Variants in ATP2B2 observed in about 807,000 individuals in gnomAD.
The protein encoded by ATP2B2 is ATPase plasma membrane Ca2+ transporting 2, also known as plasma membrane calcium-transporting ATPase 2.
Under a neutral mutation model 120.0 loss-of-function variants are expected in ATP2B2, and 15 were observed. The ratio of observed to expected loss-of-function variants is 0.12; its 90% confidence interval spans 0.08 to 0.19. The LOEUF (loss-of-function observed/expected upper bound fraction) is 0.19, where lower values mean the gene tolerates loss of function less well. Ranked by LOEUF, ATP2B2 falls within the 10% of genes least tolerant of loss-of-function variation. The pLI is 1.00. For missense variants in ATP2B2, 1,045 were observed against 1,719.8 expected (o/e 0.61, Z 6.94); for synonymous variants, 694 against 700.3 (o/e 0.99, Z 0.14).
intron 2 of ATP2B2, among the ~76,000 whole-genome samples, chr3:10,614,048 T>C (rs891685519): frequency 6.6e-6 from 1 of 152,062 alleles, no homozygotes; most frequent in Middle Eastern, 3.2e-3. Context: ...CAAGAAGCCT[T>C]CCCTGAGCAC....
intron 1 of ATP2B2, among the ~76,000 whole-genome samples, chr3:10,661,766 A>C (rs940618990): frequency 6.6e-6 from 1 of 152,238 alleles, no homozygotes; most frequent in African/African-American, 2.4e-5. Context: ...GTTCATGTGG[A>C]ACCAAAAAAG....
At chr3:10,413,768 C>T (rs907435629) in intron 2 of ATP2B2, among the ~76,000 whole-genome samples, 6 of 152,202 alleles carry the variant, frequency 3.9e-5, no homozygotes, top group Non-Finnish European at 5.9e-5. Context: ...TAATTAAAAG[C>T]TCCAATTCCT....
intron 2 of ATP2B2, among the ~76,000 whole-genome samples, chr3:10,580,460 A>C (rs2068362701): frequency 6.6e-6 from 1 of 152,184 alleles, no homozygotes; most frequent in South Asian, 2.1e-4. Context: ...TAAAGGAAGC[A>C]GTGATTCTGT....
At chr3:10,361,535 G>A (rs551878512) in intron 12 of ATP2B2, among the ~76,000 whole-genome samples, 16 of 152,242 alleles carry the variant, frequency 1.1e-4, no homozygotes, top group South Asian at 2.1e-4. Context: ...CCGCAGGGCC[G>A]TGTGAACACC....
chr3:10,459,654 G>C (rs1384365690), intron 1 of ATP2B2, among the ~76,000 whole-genome samples: 1 of 152,210 alleles, frequency 6.6e-6, no homozygotes, highest in East Asian at 1.9e-4. Context: ...CTCTCCCACT[G>C]TCTGCTCCGT....
At chr3:10,330,652 G>A (rs1304274775) in intron 22 of ATP2B2, among the ~76,000 whole-genome samples, 1 of 152,250 alleles carries the variant, frequency 6.6e-6, no homozygotes, top group Non-Finnish European at 1.5e-5. Flanking sequence ...CTGCGGGGAG[G>A]CAGGGGACTG....
intron 1 of ATP2B2, among the ~76,000 whole-genome samples, chr3:10,675,656 C>T (rs1442189541): frequency 2.0e-5 from 3 of 152,126 alleles, no homozygotes; most frequent in Non-Finnish European, 2.9e-5. Context: ...CCAACATTGC[C>T]CTGCTCACAT....
rs150203000 is a variant in ATP2B2 at position 10,378,300 on chromosome 3, C to T, written c.1153G>A (p.Val385Met). The change falls in exon 10 of 23, where the codon GTG (valine) becomes ATG (methionine). Residue 385 changes from valine (V) to methionine (M), a missense_variant. Coordinates refer to ENST00000360273, the MANE Select transcript of ATP2B2 (RefSeq NM_001001331.4). ...KASMHKKEKS[V>M]LQGKLTKLAV... ...AGCTTGGTGAGCTTGCCCTGCAGCA[C>T]GGACTTCTCCTTCTTGTGCATGCTG... is the stretch of plus-strand genomic sequence containing the variant. The T allele has an allele frequency of 2.5e-6, 4 of 1,609,632 alleles. No homozygotes were observed. The highest frequency in any genetic ancestry group is 1.3e-5 in the African/African-American group (1 of 74,946).
At chr3:10,487,065 T>C (rs2065709632) in intron 1 of ATP2B2, among the ~76,000 whole-genome samples, 1 of 152,130 alleles carries the variant, frequency 6.6e-6, no homozygotes, top group Non-Finnish European at 1.5e-5. Context: ...TAATGAGAAC[T>C]CCTCTGTCTT....
chr3:10,688,898 G>A (rs2071589567), intron 1 of ATP2B2, among the ~76,000 whole-genome samples: 1 of 151,904 alleles, frequency 6.6e-6, no homozygotes, highest in African/African-American at 2.4e-5. Flanking sequence ...GCAAAGTGAA[G>A]CAATCACCAG....
At chr3:10,592,233 T>C (rs1189578138) in intron 2 of ATP2B2, among the ~76,000 whole-genome samples, 1 of 152,258 alleles carries the variant, frequency 6.6e-6, no homozygotes, top group Non-Finnish European at 1.5e-5. Flanking sequence ...TTAATAGTAT[T>C]GAGTGAATAC....
intron 2 of ATP2B2, among the ~76,000 whole-genome samples, chr3:10,439,155 G>A (rs1481970852): frequency 6.6e-6 from 1 of 152,254 alleles, no homozygotes; most frequent in Non-Finnish European, 1.5e-5. Flanking sequence ...GAGAGGCCTG[G>A]AGTCTGGCTG....
chr3:10,452,049 C>A (rs905682437), intron 1 of ATP2B2, among the ~76,000 whole-genome samples: 1 of 152,250 alleles, frequency 6.6e-6, no homozygotes, highest in Non-Finnish European at 1.5e-5. Flanking sequence ...GAAAAGCAAA[C>A]AGACACTGTC....
At chr3:10,632,880 G>C (rs1335208535) in intron 1 of ATP2B2, among the ~76,000 whole-genome samples, 1 of 152,224 alleles carries the variant, frequency 6.6e-6, no homozygotes, top group South Asian at 2.1e-4. Context: ...CTGTTCCCCT[G>C]GTGGCTGTCC....
At chr3:10,589,548 T>G (rs2068593745) in intron 2 of ATP2B2, among the ~76,000 whole-genome samples, 1 of 152,184 alleles carries the variant, frequency 6.6e-6, no homozygotes, top group African/African-American at 2.4e-5. Context: ...GGGTCTGCTT[T>G]GGATCAGGCA....
intron 1 of ATP2B2, among the ~76,000 whole-genome samples, chr3:10,648,619 G>T (rs2070378750): frequency 6.6e-6 from 1 of 152,060 alleles, no homozygotes; most frequent in South Asian, 2.1e-4. Context: ...CCGACCTCAG[G>T]ACTCCCAAAC....
intron 2 of ATP2B2, among the ~76,000 whole-genome samples, chr3:10,568,947 C>T (rs1052652696): frequency 3.9e-5 from 6 of 152,214 alleles, no homozygotes; most frequent in African/African-American, 9.7e-5. Flanking sequence ...TATAGAGTTG[C>T]CATCAGCTAG....
rs552752883 is a variant in ATP2B2, at chr3:10,347,464, G to A, written c.2405-1327C>T. On this transcript the variant is annotated intron_variant, in intron 16 of 22. Transcript: ENST00000360273. The surrounding 1 kb of genome is among the most constrained non-coding windows in gnomAD (Gnocchi z 5.2). The stretch of plus-strand genomic sequence containing the variant: ...ACGGCAGCAGCCTGTGGAATGAGGC[G>A]CTGAGTTCCATAACCTGGGGCACTG... Among the ~76,000 whole-genome samples the A allele has an allele frequency of 1.0e-3, 158 of 152,328 alleles. No individual in the cohort carries two copies. Among genetic ancestry groups the A allele is most frequent in the African/African-American group, 3.6e-3 (150 of 41,572 alleles).
intron 2 of ATP2B2, among the ~76,000 whole-genome samples, chr3:10,579,189 G>A (rs575681279): frequency 5.3e-5 from 8 of 152,192 alleles, no homozygotes; most frequent in East Asian, 1.9e-4. Context: ...CTCAACCAAC[G>A]ATTGCTAAAG....
Sources: allele counts gnomAD v4.1 joint callset (sites outside exome capture counted in the v4.1 genomes callset), GRCh38; gene constraint gnomAD v4.1.1; non-coding constraint Gnocchi (gnomAD v3.1); transcripts MANE v1.5; gene names NCBI Gene and HGNC (gene_info 2026-07-23, HGNC 2026-07-21).